The following TSNARE1 variants were observed in gnomAD, a reference collection of about 807,000 sequenced individuals.
TSNARE1 encodes the protein t-SNARE domain-containing protein 1.
TSNARE1 carries 49 observed loss-of-function variants against 62.0 expected under a neutral mutation model. The observed-to-expected ratio is 0.79, with a 90% confidence interval of 0.63 to 1.00. TSNARE1 has a LOEUF of 1.00. Ranked by LOEUF, TSNARE1 falls within the 50% of genes least tolerant of loss-of-function variation. The pLI is 0.00. For synonymous variants in TSNARE1, 328 were observed against 294.4 expected (o/e 1.11, Z -1.17); for missense variants, 755 against 700.1 (o/e 1.08, Z -0.88).
intron 1 of TSNARE1, among the ~76,000 whole-genome samples, chr8:142,370,807 T>C (rs1037389453): frequency 6.8e-6 from 1 of 146,458 alleles, no homozygotes; most frequent in African/African-American, 2.5e-5. Flanking sequence ...CAGAAGACAA[T>C]GGAGTGACAT....
intron 11 of TSNARE1, among the ~76,000 whole-genome samples, chr8:142,284,067 T>C (rs1273203126): frequency 1.0e-5 from 1 of 95,518 alleles, no homozygotes. Context: ...ATGAGCAGAG[T>C]GGGGGCTAGT....
rs115403196 is a variant in TSNARE1, at chr8:142,300,303, C to T, written c.1290+183G>A. On this transcript the variant is annotated intron_variant, in intron 10 of 13. Transcript: ENST00000524325. ...GGATGGGGCTCCCAGACTCCCGTCT[C>T]TCCCTTATTGGACCAGATGGCCAGA... 4.3e-3 allele frequency: 2,760 copies of T among 639,882 alleles called. 56 individuals are homozygous for T. The African/African-American group carries it at 0.045, about 11-fold the overall frequency. 39.6% of individuals were successfully genotyped at this position (639,882 alleles called of 1,614,324 possible). A position where few individuals can be genotyped will look rare whatever the true frequency, so the allele number is the denominator to read the frequency against.
At chr8:142,393,506 G>C (rs1245070162) in intron 1 of TSNARE1, among the ~76,000 whole-genome samples, 1 of 152,232 alleles carries the variant, frequency 6.6e-6, no homozygotes, top group East Asian at 1.9e-4. Context: ...GAGTGCACAG[G>C]ATCTGTGTAT....
chr8:142,371,279 C>G (rs1457406371), intron 1 of TSNARE1, among the ~76,000 whole-genome samples: 1 of 152,102 alleles, frequency 6.6e-6, no homozygotes, highest in Non-Finnish European at 1.5e-5. Context: ...TTAAAGAATA[C>G]CAAATACATA....
intron 13 of TSNARE1, among the ~76,000 whole-genome samples, chr8:142,223,268 TC>T (rs1816560816): frequency 3.3e-5 from 1 of 30,140 alleles, no homozygotes; most frequent in Non-Finnish European, 1.1e-4. Context: ...ACTCACTCAC[TC>T]ATTCAGTCAC....
chr8:142,279,433 C>T (rs756964403), intron 11 of TSNARE1, among the ~76,000 whole-genome samples: 1 of 152,216 alleles, frequency 6.6e-6, no homozygotes, highest in Non-Finnish European at 1.5e-5. Context: ...CTTGTCTCTG[C>T]CCCTCACCAG....
intron 12 of TSNARE1, among the ~76,000 whole-genome samples, chr8:142,235,806 G>C (rs950530548): frequency 2.0e-5 from 3 of 152,216 alleles, no homozygotes; most frequent in Non-Finnish European, 4.4e-5. Flanking sequence ...AAGCGGCCCT[G>C]AGCGTTTCCT....
At chr8:142,404,466 G>A (rs910225999), upstream of TSNARE1, 2 of 152,324 alleles carry the variant, frequency 1.3e-5, no homozygotes, top group African/African-American at 4.8e-5. Flanking sequence ...TGCACACATG[G>A]GTGGGAGGGA....
chr8:142,365,795 C>A, intron 1 of TSNARE1: 1 of 300,814 alleles, frequency 3.3e-6, no homozygotes, highest in Non-Finnish European at 6.7e-6. Context: ...AAAATAAAAA[C>A]TCACTGGAAA....
At chr8:142,269,710 T>C (rs1819353914) in intron 12 of TSNARE1, 19 of 985,390 alleles carry the variant, frequency 1.9e-5, no homozygotes, top group Non-Finnish European at 2.3e-5. Flanking sequence ...TGAGGTCATC[T>C]GGTTTGGCAG....
intron 12 of TSNARE1, chr8:142,274,355 G>A (rs1820070033): frequency 3.0e-6 from 3 of 985,312 alleles, no homozygotes; most frequent in East Asian, 1.1e-4. Flanking sequence ...GAAAATAAAG[G>A]CCTGAGCTTT....
intron 13 of TSNARE1, among the ~76,000 whole-genome samples, chr8:142,217,303 AAAAGAAAGAAAG>A (rs140047050): frequency 0.02 from 2,522 of 126,700 alleles, 37 homozygotes; most frequent in Middle Eastern, 0.034. Context: ...GAAAGAAAGA[AAAAGAAAGAAAG>A]AAAGAAAGAA....
At chr8:142,395,117 G>A (rs527486796) in intron 1 of TSNARE1, among the ~76,000 whole-genome samples, 7 of 151,950 alleles carry the variant, frequency 4.6e-5, no homozygotes, top group South Asian at 2.1e-4. Context: ...AAGGCTGAGC[G>A]GCCTAAAGGT....
At chr8:142,280,164 C>G (rs1235002024) in intron 11 of TSNARE1, 1 of 985,338 alleles carries the variant, frequency 1.0e-6, no homozygotes. Flanking sequence ...GCACCAGCAC[C>G]TCCGTCTCCT....
chr8:142,226,240 G>A lies in TSNARE1; in HGVS notation c.*11+3233C>T, dbSNP rs1372360376. On this transcript the variant is annotated intron_variant, in intron 13 of 13. Transcript: ENST00000524325. ...ATTACTATTACCAGGGCTGGTTTCC[G>A]GCTGGCTTGGGGCTGCACCAGTGTG... Among the ~76,000 whole-genome samples the A allele has an allele frequency of 3.9e-5, 6 of 152,166 alleles. No homozygotes were observed. In the South Asian group the frequency reaches 6.2e-4, roughly 16 times the overall value.
chr8:142,218,156 GGCC>G (rs1170103445), intron 13 of TSNARE1, among the ~76,000 whole-genome samples: 7 of 148,056 alleles, frequency 4.7e-5, no homozygotes, highest in Non-Finnish European at 6.0e-5. Flanking sequence ...CTCAGTGTGT[GGCC>G]AGGGTCAGGC....
intron 12 of TSNARE1, among the ~76,000 whole-genome samples, chr8:142,264,826 T>C (rs79275109): frequency 6.6e-6 from 1 of 152,204 alleles, no homozygotes; most frequent in Non-Finnish European, 1.5e-5. Context: ...AAAGGTGTTA[T>C]TTTTTCCTCC....
intron 12 of TSNARE1, chr8:142,270,296 AG>A: frequency 1.0e-6 from 1 of 985,424 alleles, no homozygotes; most frequent in South Asian, 4.7e-5. Flanking sequence ...AGGCCCCCGC[AG>A]GGAGGCTGAA....
At position 142,344,082 on chromosome 8, in the gene TSNARE1, C is replaced by G. The variant is rs779234570; in HGVS notation, c.629G>C (p.Ser210Thr). 1.2e-6 allele frequency: 2 copies of G among 1,607,702 alleles called. No homozygotes were observed. The highest frequency in any genetic ancestry group is 2.2e-5 in the South Asian group (2 of 90,536). Residue 210 changes from serine (S) to threonine (T), a missense_variant, in exon 4 of 14, where the codon AGC becomes ACC. Physicochemically the swap from Ser to Thr is moderately conservative, Grantham distance 58. Coordinates refer to ENST00000524325, the MANE Select transcript of TSNARE1 (RefSeq NM_145003.5). ...GDLRKAAHGP[S>T]PGSGKPQALA... is the part of the protein sequence containing the mutation. ...GGCCTGGGGCTTGCCGGAACCAGGG[C>G]TGGGGCCATGGGCCGCCTTCCGGAG... is the stretch of plus-strand genomic sequence containing the variant.
Sources: gnomAD v4.1 joint callset for allele counts (sites outside exome capture counted in the v4.1 genomes callset) on GRCh38, gnomAD v4.1.1 for gene constraint, MANE v1.5 for transcripts, NCBI Gene and HGNC (gene_info 2026-07-23, HGNC 2026-07-21) for gene names.